The following ATXN7L1 variants were observed in gnomAD, a reference collection of about 807,000 sequenced individuals.
ATXN7L1 encodes the protein ataxin-7-like protein 1.
In ATXN7L1, 15 loss-of-function variants were observed where a neutral mutation model predicts 70.8. The ratio of observed to expected loss-of-function variants is 0.21; its 90% confidence interval spans 0.14 to 0.33. The LOEUF (loss-of-function observed/expected upper bound fraction) is 0.33, where lower values mean the gene tolerates loss of function less well. ATXN7L1 is among the 10% of genes least tolerant of loss of function. The pLI, the probability that ATXN7L1 is intolerant of heterozygous loss-of-function variation, is 1.00. For missense variants in ATXN7L1, 975 were observed against 1,097.1 expected (o/e 0.89, Z 1.57); for synonymous variants, 440 against 445.1 (o/e 0.99, Z 0.14).
intron 2 of ATXN7L1, among the ~76,000 whole-genome samples, chr7:105,824,126 AGGG>A (rs1244794427): frequency 6.6e-6 from 1 of 152,160 alleles, no homozygotes; most frequent in Non-Finnish European, 1.5e-5. Flanking sequence ...CAGGCAGGAA[AGGG>A]GATAATTCAT....
chr7:105,664,521 C>CAT (rs1245456876), intron 4 of ATXN7L1, among the ~76,000 whole-genome samples: 1 of 138,832 alleles, frequency 7.2e-6, no homozygotes, highest in Non-Finnish European at 1.5e-5. Flanking sequence ...TATATATATA[C>CAT]ATATGTATAA....
At chr7:105,722,343 C>A (rs957774331) in intron 3 of ATXN7L1, among the ~76,000 whole-genome samples, 8 of 151,932 alleles carry the variant, frequency 5.3e-5, no homozygotes, top group South Asian at 2.1e-4. Context: ...AGGCAGATCA[C>A]CTGAGGTCGG....
intron 2 of ATXN7L1, among the ~76,000 whole-genome samples, chr7:105,849,108 T>TG (rs1184233624): frequency 1.2e-4 from 18 of 152,200 alleles, no homozygotes; most frequent in Admixed American, 1.2e-3. Context: ...TGACCATTAT[T>TG]GCACCATTAT....
At position 105,763,761 on chromosome 7, in the gene ATXN7L1, T is replaced by G. The variant is rs10227787; in HGVS notation, c.355+24843A>C. ...TTCACCCCAACCAGCTGTGTCCTGC[T>G]AGCATAGACACCCATGCAGGAGGTG... is the stretch of plus-strand genomic sequence containing the variant. On this transcript the variant is annotated intron_variant, in intron 3 of 11. Coordinates refer to ENST00000419735, the MANE Select transcript of ATXN7L1 (RefSeq NM_020725.2). 3.8e-3 allele frequency among the ~76,000 whole-genome samples: 579 copies of G among 152,278 alleles called. 7 individuals are homozygous for G. Among genetic ancestry groups the G allele is most frequent in the African/African-American group, 0.013 (543 of 41,558 alleles).
intron 3 of ATXN7L1, among the ~76,000 whole-genome samples, chr7:105,741,540 C>T (rs1798021327): frequency 6.6e-6 from 1 of 151,964 alleles, no homozygotes; most frequent in African/African-American, 2.4e-5. Flanking sequence ...ATTTTTCAGC[C>T]CGTGTGGAAG....
At chr7:105,760,571 A>G (rs1224990989) in intron 3 of ATXN7L1, 4 of 985,584 alleles carry the variant, frequency 4.1e-6, no homozygotes, top group Non-Finnish European at 4.8e-6. Context: ...AGACTATGTT[A>G]GGCTCTGAGG....
Position 105,620,378 on chromosome 7 carries a change from A to G in ATXN7L1, c.1396-57T>C, listed in dbSNP as rs1794742322. The G allele has an allele frequency of 1.7e-5, 25 of 1,451,330 alleles. No homozygotes were observed. The South Asian group carries it at 3.2e-4, about 19-fold the overall frequency. 89.9% of individuals were successfully genotyped at this position (1,451,330 alleles called of 1,614,324 possible). Reference sequence around the variant, plus strand: ...ACAGGTTAATAAGCTAATATAAACTATACAGAGAAAAATAACATTTACATA... The same window carrying G: ...ACAGGTTAATAAGCTAATATAAACTGTACAGAGAAAAATAACATTTACATA... On this transcript the variant is annotated intron_variant, in intron 8 of 11. Coordinates refer to ENST00000419735, the MANE Select transcript of ATXN7L1 (RefSeq NM_020725.2).
chr7:105,808,013 G>C (rs1807871711), intron 2 of ATXN7L1, among the ~76,000 whole-genome samples: 1 of 152,180 alleles, frequency 6.6e-6, no homozygotes, highest in African/African-American at 2.4e-5. Context: ...GATAATTCTT[G>C]GATCTCTAGT....
At position 105,876,506 on chromosome 7, in the gene ATXN7L1, C is replaced by G. The variant is rs769339277; in HGVS notation, c.53G>C (p.Gly18Ala). The part of the protein sequence containing the change: ...IPCLSAAAAE[G>A]TGKKQQEGRA... Reference sequence around the variant, plus strand: ...TCCTTCTTGTTGCTTTTTCCCTGTTCCTTCGGCAGCAGCAGCCGAGAGACA... The same window carrying G: ...TCCTTCTTGTTGCTTTTTCCCTGTTGCTTCGGCAGCAGCAGCCGAGAGACA... Residue 18 changes from glycine to alanine, a missense_variant, in exon 1 of 12, where the codon GGA becomes GCA. This residue lies in a region of ATXN7L1 where 135 missense variants were observed against 132.6 expected (regional missense o/e 1.02). Coordinates refer to ENST00000419735, the MANE Select transcript of ATXN7L1 (RefSeq NM_020725.2). The G allele has an allele frequency of 3.1e-6, 5 of 1,613,506 alleles. No homozygotes were observed. The highest frequency in any genetic ancestry group is 4.2e-6 in the Non-Finnish European group (5 of 1,179,816).
chr7:105,634,827 C>T (rs1020698820), intron 7 of ATXN7L1, among the ~76,000 whole-genome samples: 1 of 151,966 alleles, frequency 6.6e-6, no homozygotes, highest in African/African-American at 2.4e-5. Flanking sequence ...TGCCTGTAAT[C>T]CCAGCATTTG....
chr7:105,834,885 G>A (rs1006735185), intron 2 of ATXN7L1, among the ~76,000 whole-genome samples: 9 of 152,178 alleles, frequency 5.9e-5, no homozygotes, highest in Middle Eastern at 3.4e-3. Context: ...CAGACGAAAC[G>A]CAATCTAGCA....
At chr7:105,648,386 A>G (rs1402985128) in intron 4 of ATXN7L1, among the ~76,000 whole-genome samples, 5 of 152,188 alleles carry the variant, frequency 3.3e-5, no homozygotes, top group African/African-American at 7.2e-5. Flanking sequence ...TGGGAAAGGC[A>G]TTTGACCTTG....
chr7:105,806,783 C>T (rs948395716), intron 2 of ATXN7L1, among the ~76,000 whole-genome samples: 2 of 152,116 alleles, frequency 1.3e-5, no homozygotes, highest in African/African-American at 2.4e-5. Context: ...GACCCAGCAA[C>T]AGAGTCAGAG....
At chr7:105,870,687 C>T (rs1407827453) in intron 2 of ATXN7L1, among the ~76,000 whole-genome samples, 1 of 152,154 alleles carries the variant, frequency 6.6e-6, no homozygotes. Flanking sequence ...TCACTGAGAG[C>T]TTTTCCCTAA....
chr7:105,700,574 A>G (rs1792324000), intron 3 of ATXN7L1, among the ~76,000 whole-genome samples: 2 of 151,602 alleles, frequency 1.3e-5, no homozygotes, highest in Admixed American at 1.3e-4. Context: ...ATGAATGACC[A>G]TATCTGAGCC....
intron 3 of ATXN7L1, among the ~76,000 whole-genome samples, chr7:105,697,678 G>C (rs745652464): frequency 2.4e-4 from 37 of 152,258 alleles, no homozygotes; most frequent in Non-Finnish European, 4.3e-4. Flanking sequence ...CAAGGGTATT[G>C]ATTGGGGAAG....
At chr7:105,766,698 C>T (rs567276243) in intron 3 of ATXN7L1, among the ~76,000 whole-genome samples, 11 of 152,322 alleles carry the variant, frequency 7.2e-5, no homozygotes, top group East Asian at 3.9e-4. Context: ...TGGGATTAGA[C>T]GATCCTGTGT....
intron 4 of ATXN7L1, among the ~76,000 whole-genome samples, chr7:105,663,839 C>A (rs1434427721): frequency 1.3e-5 from 2 of 152,066 alleles, no homozygotes; most frequent in Non-Finnish European, 2.9e-5. Context: ...AATCTCGGCT[C>A]GCTGCAACCT....
At chr7:105,662,409 T>G (rs1801854209) in intron 4 of ATXN7L1, among the ~76,000 whole-genome samples, 1 of 152,150 alleles carries the variant, frequency 6.6e-6, no homozygotes, top group African/African-American at 2.4e-5. Flanking sequence ...GTCAGATTCT[T>G]TCTGCCCCTT....
Sources: allele counts gnomAD v4.1 joint callset (sites outside exome capture counted in the v4.1 genomes callset), GRCh38; gene constraint gnomAD v4.1.1; regional missense constraint gnomAD v4.1.1; transcripts MANE v1.5; gene names NCBI Gene and HGNC (gene_info 2026-07-23, HGNC 2026-07-21).